Variants in BCAR3 observed in about 807,000 individuals in gnomAD.
The protein encoded by BCAR3 is breast cancer anti-estrogen resistance protein 3.
A neutral mutation model predicts 80.1 loss-of-function variants in BCAR3; 37 were observed. The observed-to-expected ratio is 0.46, with a 90% confidence interval of 0.36 to 0.61. The LOEUF is 0.61. BCAR3 is among the 20% of genes least tolerant of loss of function. The probability of loss-of-function intolerance (pLI) is 0.00; values close to 1 mark genes in which losing one functional copy is unlikely to be tolerated. For synonymous variants in BCAR3, 389 were observed against 418.9 expected (o/e 0.93, Z 0.87); for missense variants, 978 against 1,068.2 (o/e 0.92, Z 1.18).
intron 3 of BCAR3, among the ~76,000 whole-genome samples, chr1:93,700,744 C>T (rs1649610812): frequency 6.6e-6 from 1 of 152,260 alleles, no homozygotes; most frequent in African/African-American, 2.4e-5. Context: ...CAGGATTCTC[C>T]TGTGGAGAAC....
At chr1:93,710,623 C>T (rs965273801) in intron 2 of BCAR3, among the ~76,000 whole-genome samples, 4 of 152,216 alleles carry the variant, frequency 2.6e-5, no homozygotes, top group African/African-American at 9.6e-5. Flanking sequence ...CTCTGAACTC[C>T]TGTCGCATTG....
At chr1:93,658,557 TGA>T (rs1647499167) in intron 2 of BCAR3, among the ~76,000 whole-genome samples, 1 of 151,560 alleles carries the variant, frequency 6.6e-6, no homozygotes, top group Non-Finnish European at 1.5e-5. Flanking sequence ...GAGGCTGAGA[TGA>T]GAGAATTGTT....
chr1:93,621,876 T>G lies in BCAR3; in HGVS notation c.357+20428A>C, dbSNP rs373933536. Among the ~76,000 whole-genome samples, 95 of 152,128 alleles carry G rather than the reference T, an allele frequency of 6.2e-4. 2 individuals carry two copies. The highest frequency in any genetic ancestry group is 2.2e-3 in the African/African-American group (91 of 41,516). Reference sequence around the variant, plus strand: ...AAGCCACATTGGTTTTGTTTTTGTTTTTGTTTTTGTTTTGAGATGGAGTCT... The same window carrying G: ...AAGCCACATTGGTTTTGTTTTTGTTGTTGTTTTTGTTTTGAGATGGAGTCT... On this transcript the variant is annotated intron_variant, in intron 3 of 11. Transcript: ENST00000260502.
intron 2 of BCAR3, among the ~76,000 whole-genome samples, chr1:93,765,391 T>C (rs1275773573): frequency 6.6e-6 from 1 of 152,218 alleles, no homozygotes; most frequent in Non-Finnish European, 1.5e-5. Context: ...CTGGTCTTGG[T>C]TATTCTGAAT....
intron 7 of BCAR3, among the ~76,000 whole-genome samples, chr1:93,581,411 ATTT>A (rs201034104): frequency 6.9e-6 from 1 of 144,294 alleles, no homozygotes; most frequent in African/African-American, 2.5e-5. Flanking sequence ...GTATTTTAGA[ATTT>A]TTTTTTTTTT....
At chr1:93,745,954 T>G (rs916488273) in intron 2 of BCAR3, among the ~76,000 whole-genome samples, 1 of 152,234 alleles carries the variant, frequency 6.6e-6, no homozygotes, top group African/African-American at 2.4e-5. Context: ...TGAAAGTGCT[T>G]AGAACTCTTC....
intron 2 of BCAR3, among the ~76,000 whole-genome samples, chr1:93,653,326 A>C (rs753547030): frequency 6.6e-6 from 1 of 152,246 alleles, no homozygotes; most frequent in Admixed American, 6.5e-5. Flanking sequence ...CTGCAGACTG[A>C]GTAGGATAAA....
At chr1:93,654,464 G>A (rs1254327457) in intron 2 of BCAR3, among the ~76,000 whole-genome samples, 1 of 152,142 alleles carries the variant, frequency 6.6e-6, no homozygotes, top group Non-Finnish European at 1.5e-5. Context: ...TAACCTGAAT[G>A]AGTGTGGGAG....
chr1:93,845,502 A>ATATCTATATCTATATCTCATGTTGTCAAG lies in BCAR3; in HGVS notation c.-63+64_-63+65insCTTGACAACATGAGATATAGATATAGATA. 7 of 113,822 alleles carry ATATCTATATCTATATCTCATGTTGTCAAG rather than the reference A, an allele frequency of 6.1e-5. 2 individuals carry two copies. The highest frequency in any genetic ancestry group is 1.9e-4 in the Admixed American group (2 of 10,568). 7.1% of individuals were successfully genotyped at this position (113,822 alleles called of 1,614,324 possible). A position where few individuals can be genotyped will look rare whatever the true frequency, so the allele number is the denominator to read the frequency against. ...TATATATATATATATATATATATAT[A>ATATCTATATCTATATCTCATGTTGTCAAG]AAACTTTGTTTACATTAGAGTATAA... On this transcript the variant is annotated intron_variant, in intron 2 of 13. Transcript: ENST00000370244.
intron 1 of BCAR3, among the ~76,000 whole-genome samples, chr1:93,680,261 G>C (rs1648686211): frequency 6.6e-6 from 1 of 152,218 alleles, no homozygotes; most frequent in South Asian, 2.1e-4. Flanking sequence ...TATATGAACA[G>C]GAGATTTAGA....
At chr1:93,842,395 AC>A (rs1654993199) in intron 2 of BCAR3, among the ~76,000 whole-genome samples, 1 of 151,186 alleles carries the variant, frequency 6.6e-6, no homozygotes, top group Non-Finnish European at 1.5e-5. Flanking sequence ...CAGGCAATCC[AC>A]CCGCCTCAGC....
chr1:93,735,948 A>C lies in BCAR3; in HGVS notation c.-62-29806T>G, dbSNP rs538230619. 2.6e-5 allele frequency among the ~76,000 whole-genome samples: 4 copies of C among 152,330 alleles called. No individual in the cohort carries two copies. The East Asian group carries it at 7.7e-4, about 29-fold the overall frequency. On this transcript the variant is annotated intron_variant, in intron 2 of 13. Transcript: ENST00000370244. ...GGGTTGTATCTATGAGTGGGTGGTA[A>C]GCCCTAGTTCCTAAATAAGGTATTT...
chr1:93,671,511 C>G (rs1648201320), intron 2 of BCAR3, among the ~76,000 whole-genome samples: 1 of 152,156 alleles, frequency 6.6e-6, no homozygotes, highest in Non-Finnish European at 1.5e-5. Context: ...GTTTTCAGAG[C>G]TGACATCTGG....
chr1:93,680,899 G>A (rs1478345543), intron 1 of BCAR3, among the ~76,000 whole-genome samples: 3 of 152,112 alleles, frequency 2.0e-5, no homozygotes, highest in East Asian at 3.9e-4. Flanking sequence ...AGTGGGTAAG[G>A]ACAGTTGGGC....
chr1:93,773,745 C>A (rs530158074), intron 2 of BCAR3, among the ~76,000 whole-genome samples: 1 of 152,156 alleles, frequency 6.6e-6, no homozygotes, highest in Non-Finnish European at 1.5e-5. Flanking sequence ...TCCATTCCCC[C>A]ACCCCAGCCA....
chr1:93,762,706 C>G (rs941486195), intron 2 of BCAR3, among the ~76,000 whole-genome samples: 1 of 152,194 alleles, frequency 6.6e-6, no homozygotes, highest in Non-Finnish European at 1.5e-5. Context: ...GTTCTCCTCC[C>G]ATATTGCTTC....
chr1:93,829,190 G>C (rs924279318), intron 2 of BCAR3, among the ~76,000 whole-genome samples: 2 of 152,102 alleles, frequency 1.3e-5, no homozygotes, highest in African/African-American at 4.8e-5. Flanking sequence ...AGGGCTCAGG[G>C]GATTGGGTTG....
At chr1:93,821,709 A>G (rs956479413) in intron 2 of BCAR3, among the ~76,000 whole-genome samples, 3 of 152,366 alleles carry the variant, frequency 2.0e-5, no homozygotes, top group African/African-American at 4.8e-5. Context: ...CACTACACAT[A>G]TACTTAGCAC....
chr1:93,713,643 G>A (rs1364733777), intron 2 of BCAR3, among the ~76,000 whole-genome samples: 1 of 152,154 alleles, frequency 6.6e-6, no homozygotes, highest in East Asian at 1.9e-4. Flanking sequence ...ATTGCATAGA[G>A]CTTCCCCCTT....
Sources: allele counts gnomAD v4.1 joint callset (sites outside exome capture counted in the v4.1 genomes callset), GRCh38; gene constraint gnomAD v4.1.1; transcripts MANE v1.5; gene names NCBI Gene and HGNC (gene_info 2026-07-23, HGNC 2026-07-21).